MAP2K6: variants seen among roughly 807,000 people sequenced by gnomAD.
MAP2K6 encodes the protein mitogen-activated protein kinase kinase 6.
In MAP2K6, 16 loss-of-function variants were observed where a neutral mutation model predicts 53.7. The observed-to-expected ratio is 0.30, with a 90% confidence interval of 0.20 to 0.45. The LOEUF (loss-of-function observed/expected upper bound fraction) is 0.45. Among genes scored for constraint, MAP2K6 ranks in the 20% least tolerant of loss-of-function variants. The pLI is 1.00. For missense variants in MAP2K6, 204 were observed against 411.9 expected, an observed-to-expected ratio of 0.50 and a Z score of 4.37; for synonymous variants, 132 against 143.1, an observed-to-expected ratio of 0.92 and a Z score of 0.55.
At chr17:69,485,497 T>C (rs1256028978) in intron 1 of MAP2K6, 5 of 978,076 alleles carry the variant, frequency 5.1e-6, no homozygotes, top group Non-Finnish European at 3.6e-6. Flanking sequence ...TAAAATTTCA[T>C]TTGAAACTAC....
intron 1 of MAP2K6, among the ~76,000 whole-genome samples, chr17:69,455,670 G>A (rs1298933450): frequency 6.6e-6 from 1 of 152,124 alleles, no homozygotes; most frequent in African/African-American, 2.4e-5. Flanking sequence ...GAGTATTTGA[G>A]GTGTTGTGGG....
intron 1 of MAP2K6, among the ~76,000 whole-genome samples, chr17:69,450,921 G>C (rs1907202372): frequency 6.6e-6 from 1 of 152,136 alleles, no homozygotes. Context: ...CTTCACCTTT[G>C]AGTGAAATGG....
chr17:69,492,717 G>T (rs1908798281), intron 1 of MAP2K6, among the ~76,000 whole-genome samples: 1 of 152,090 alleles, frequency 6.6e-6, no homozygotes, highest in Non-Finnish European at 1.5e-5. Context: ...CTCTCCCTCT[G>T]CCCCTCTGTG....
intron 1 of MAP2K6, among the ~76,000 whole-genome samples, chr17:69,436,584 G>A (rs1016999604): frequency 6.6e-6 from 1 of 152,164 alleles, no homozygotes; most frequent in African/African-American, 2.4e-5. Context: ...CGAGCCTTAT[G>A]CAAACTTATA....
At chr17:69,459,831 C>T (rs1907554988) in intron 1 of MAP2K6, among the ~76,000 whole-genome samples, 1 of 151,456 alleles carries the variant, frequency 6.6e-6, no homozygotes, top group Non-Finnish European at 1.5e-5. Flanking sequence ...CCTTCCCTCC[C>T]TTCCTCTTTT....
intron 1 of MAP2K6, chr17:69,435,528 T>C (rs1475109870): frequency 7.0e-6 from 1 of 143,756 alleles, no homozygotes; most frequent in African/African-American, 2.6e-5. Flanking sequence ...AGTGAGATCC[T>C]GTCTCAAAAA....
At chr17:69,482,390 G>A (rs1908378740) in intron 1 of MAP2K6, among the ~76,000 whole-genome samples, 1 of 152,002 alleles carries the variant, frequency 6.6e-6, no homozygotes, top group African/African-American at 2.4e-5. Flanking sequence ...ACAGTAGAAT[G>A]TCTTTCTCTT....
At chr17:69,512,499 C>T (rs1481421508) in intron 2 of MAP2K6, among the ~76,000 whole-genome samples, 1 of 151,696 alleles carries the variant, frequency 6.6e-6, no homozygotes, top group Non-Finnish European at 1.5e-5. Context: ...GCCACCATGC[C>T]CAGCTAAGTT....
intron 9 of MAP2K6, among the ~76,000 whole-genome samples, chr17:69,525,968 T>G (rs889392622): frequency 6.6e-6 from 1 of 152,226 alleles, no homozygotes. Flanking sequence ...ACATTTTCAG[T>G]GGATCACCAA....
intron 1 of MAP2K6, among the ~76,000 whole-genome samples, chr17:69,450,790 C>CT (rs1215386900): frequency 6.6e-6 from 1 of 151,756 alleles, no homozygotes; most frequent in Non-Finnish European, 1.5e-5. Context: ...ACCCTGCCCT[C>CT]AGAGTAGTTA....
intron 1 of MAP2K6, among the ~76,000 whole-genome samples, chr17:69,437,882 G>A (rs1906698695): frequency 6.6e-6 from 1 of 152,206 alleles, no homozygotes; most frequent in Non-Finnish European, 1.5e-5. Flanking sequence ...AGTCTTCAAG[G>A]TTCATCCATG....
At chr17:69,492,866 A>G (rs1350892152) in intron 1 of MAP2K6, among the ~76,000 whole-genome samples, 4 of 152,250 alleles carry the variant, frequency 2.6e-5, no homozygotes, top group African/African-American at 7.2e-5. Context: ...GGATATGGGC[A>G]TGAACTTGGG....
chr17:69,553,863 G>C lies in MAP2K6; in HGVS notation c.*12110G>C, dbSNP rs528780622. 6.6e-6 allele frequency: 1 copy of C among 152,186 alleles called. No homozygotes were observed. The highest frequency in any genetic ancestry group is 1.5e-5 in the Non-Finnish European group (1 of 68,032). 9.4% of individuals were successfully genotyped at this position (152,186 alleles called of 1,614,324 possible). ...ACCAATAAAAGACATTTTAAAAAGCGTAGTGAGTCTGTACATTAATTGAGT... is the reference window on the plus strand; with the variant it reads ...ACCAATAAAAGACATTTTAAAAAGCCTAGTGAGTCTGTACATTAATTGAGT... On this transcript the variant is annotated 3_prime_UTR_variant, in exon 12 of 12. Coordinates refer to ENST00000590474, the MANE Select transcript of MAP2K6 (RefSeq NM_002758.4).
intron 1 of MAP2K6, among the ~76,000 whole-genome samples, chr17:69,500,447 CA>C (rs58712110): frequency 0.021 from 1,209 of 57,470 alleles, 15 homozygotes; most frequent in East Asian, 0.071. Context: ...GACTCTGTCT[CA>C]AAAAAAAAAA....
chr17:69,448,443 C>A (rs144762670), intron 1 of MAP2K6, among the ~76,000 whole-genome samples: 4 of 152,168 alleles, frequency 2.6e-5, no homozygotes, highest in African/African-American at 4.8e-5. Context: ...TGCTAAGGTG[C>A]GGACCTTTCT....
intron 1 of MAP2K6, among the ~76,000 whole-genome samples, chr17:69,440,289 C>G (rs1480110364): frequency 6.6e-6 from 1 of 152,156 alleles, no homozygotes; most frequent in Admixed American, 6.5e-5. Context: ...CTTAGGTGAT[C>G]TGCCTGCCTT....
At chr17:69,500,505 C>T (rs1909119565) in intron 1 of MAP2K6, among the ~76,000 whole-genome samples, 2 of 144,040 alleles carry the variant, frequency 1.4e-5, no homozygotes, top group African/African-American at 2.6e-5. Flanking sequence ...GCCTATAATC[C>T]CAGCACTTTG....
chr17:69,512,493 C>G (rs1909903944), intron 2 of MAP2K6, among the ~76,000 whole-genome samples: 1 of 151,834 alleles, frequency 6.6e-6, no homozygotes, highest in Non-Finnish European at 1.5e-5. Context: ...GCACCCGCCA[C>G]CATGCCCAGC....
chr17:69,509,732 A>G (rs1909712696), intron 2 of MAP2K6, among the ~76,000 whole-genome samples: 1 of 152,170 alleles, frequency 6.6e-6, no homozygotes, highest in South Asian at 2.1e-4. Context: ...TTAGTCTTTC[A>G]CTATTAAGTA....
Sources: gnomAD v4.1 joint callset for allele counts (sites outside exome capture counted in the v4.1 genomes callset) on GRCh38, gnomAD v4.1.1 for gene constraint, MANE v1.5 for transcripts, NCBI Gene and HGNC (gene_info 2026-07-23, HGNC 2026-07-21) for gene names.